The following CUL5 variants were observed in gnomAD, a reference collection of about 807,000 sequenced individuals.
CUL5 encodes cullin-5.
In CUL5, 26 loss-of-function variants were observed where a neutral mutation model predicts 108.8. That is an observed-to-expected ratio of 0.24 (90% confidence interval 0.18 to 0.33). The LOEUF is 0.33. Ranked by LOEUF, CUL5 falls within the 10% of genes least tolerant of loss-of-function variation. The probability of loss-of-function intolerance (pLI) is 1.00; values close to 1 mark genes in which losing one functional copy is unlikely to be tolerated. For missense variants in CUL5, 524 were observed against 909.2 expected, an observed-to-expected ratio of 0.58 and a Z score of 5.45; for synonymous variants, 334 against 298.0, an observed-to-expected ratio of 1.12 and a Z score of -1.25.
intron 1 of CUL5, among the ~76,000 whole-genome samples, chr11:108,017,832 G>T (rs1307576366): frequency 6.6e-6 from 1 of 152,000 alleles, no homozygotes; most frequent in African/African-American, 2.4e-5. Flanking sequence ...GGACGACAGA[G>T]TGAGACCCTG....
At chr11:108,095,391 C>T (rs1441618407) in intron 15 of CUL5, 139 bp from the exon 16 acceptor site, 11 of 611,090 alleles carry the variant, frequency 1.8e-5, no homozygotes, top group African/African-American at 5.6e-5. Flanking sequence ...CAGTCATTAA[C>T]GTCTTCTAAA....
At chr11:108,012,070 G>T (rs1476732403) in intron 1 of CUL5, among the ~76,000 whole-genome samples, 1 of 152,118 alleles carries the variant, frequency 6.6e-6, no homozygotes, top group African/African-American at 2.4e-5. Context: ...ACTGCTTAGG[G>T]GTTTTGTATC....
chr11:108,076,781 A>G (rs1446381623), intron 10 of CUL5, among the ~76,000 whole-genome samples: 1 of 152,188 alleles, frequency 6.6e-6, no homozygotes, highest in African/African-American at 2.4e-5. Context: ...ACTATTCAGG[A>G]TTTGCTATTG....
chr11:108,042,218 C>CTTTTT (rs11440201), intron 2 of CUL5, among the ~76,000 whole-genome samples: 15 of 124,064 alleles, frequency 1.2e-4, no homozygotes, highest in Admixed American at 1.9e-4. Context: ...ATCCACAATT[C>CTTTTT]TTTTTTTTTT....
chr11:108,051,633 T>TTA (rs1863224787), intron 4 of CUL5, among the ~76,000 whole-genome samples: 2 of 152,210 alleles, frequency 1.3e-5, no homozygotes, highest in South Asian at 4.1e-4. Flanking sequence ...TCACCAATGT[T>TTA]TATATACCAT....
chr11:108,024,426 A>AAAT (rs201325114), intron 1 of CUL5, among the ~76,000 whole-genome samples: 118 of 152,128 alleles, frequency 7.8e-4, no homozygotes, highest in African/African-American at 1.7e-3. Flanking sequence ...TTGTCTCAAA[A>AAAT]AATAATAATA....
intron 7 of CUL5, among the ~76,000 whole-genome samples, chr11:108,068,314 T>TTTTTG (rs10691695): frequency 0.024 from 3,656 of 152,020 alleles, 160 homozygotes; most frequent in African/African-American, 0.08. Context: ...AAAACCTTTT[T>TTTTTG]TTTTGTTTTG....
In CUL5 at chr11:108,009,300, G is replaced by C. The variant is rs949254554; in HGVS notation, c.-49G>C. ...CGGCCTCCGGTCAAGGCCTGGCCGG[G>C]AGCGCCACGAATTCTCGCGTCGTCT... On this transcript the variant is annotated 5_prime_UTR_variant, in exon 1 of 19. Coordinates refer to ENST00000393094, the MANE Select transcript of CUL5 (RefSeq NM_003478.6). 6.2e-7 allele frequency: 1 copy of C among 1,610,364 alleles called. No homozygotes were observed. The highest frequency in any genetic ancestry group is 1.1e-5 in the South Asian group (1 of 90,580).
At chr11:108,022,906 TTCTTTA>T (rs1160055418) in intron 1 of CUL5, among the ~76,000 whole-genome samples, 1 of 152,194 alleles carries the variant, frequency 6.6e-6, no homozygotes, top group African/African-American at 2.4e-5. Context: ...GACTTTTTAG[TTCTTTA>T]CATATTCTGG....
chr11:108,023,821 AT>A (rs1320126565), intron 1 of CUL5, among the ~76,000 whole-genome samples: 1 of 152,134 alleles, frequency 6.6e-6, no homozygotes, highest in Admixed American at 6.5e-5. Context: ...TTTGTTTGAA[AT>A]TTTTTTCTTT....
At position 108,073,508 on chromosome 11, in the gene CUL5, C is replaced by CTA. The variant is rs1565258826; in HGVS notation, c.1113+20_1113+21dup. The CTA allele has an allele frequency of 3.3e-6, 4 of 1,220,630 alleles. No homozygotes were observed. Among genetic ancestry groups the CTA allele is most frequent in the Non-Finnish European group, 2.3e-6 (2 of 866,538 alleles). The allele number at this position is 1,220,630 out of a possible 1,614,324, so 75.6% of individuals were successfully genotyped here. A position where few individuals can be genotyped will look rare whatever the true frequency, so the allele number is the denominator to read the frequency against. On this transcript the variant is annotated intron_variant, in intron 10 of 18. Coordinates refer to ENST00000393094, the MANE Select transcript of CUL5 (RefSeq NM_003478.6). Reference sequence around the variant, plus strand: ...ACTGCAAGAGATAAGGTATATATTCCTATATATATAAAAAACACTTTTAAA... The same window carrying CTA: ...ACTGCAAGAGATAAGGTATATATTCCTATATATATATAAAAAACACTTTTAAA...
At chr11:108,075,006 A>C (rs898073060) in intron 10 of CUL5, among the ~76,000 whole-genome samples, 2 of 152,108 alleles carry the variant, frequency 1.3e-5, no homozygotes, top group Non-Finnish European at 2.9e-5. Flanking sequence ...GTCATTTAAA[A>C]ATTTTAAACA....
chr11:108,052,584 T>G, intron 4 of CUL5, 76 bp from the exon 5 acceptor site: 1 of 1,359,460 alleles, frequency 7.4e-7, no homozygotes, highest in Non-Finnish European at 1.0e-6. Flanking sequence ...TTTGATTTCC[T>G]TTTTTGGTGT....
intron 18 of CUL5, among the ~76,000 whole-genome samples, chr11:108,102,015 A>G (rs547003048): frequency 1.4e-4 from 21 of 151,916 alleles, no homozygotes; most frequent in Middle Eastern, 3.4e-3. Context: ...TCTTTTATTT[A>G]TTTTTGTTTA....
intron 1 of CUL5, among the ~76,000 whole-genome samples, chr11:108,023,553 CAAAG>C (rs1450364093): frequency 2.7e-5 from 4 of 150,672 alleles, no homozygotes; most frequent in Non-Finnish European, 5.9e-5. Context: ...AGAAAAAAAA[CAAAG>C]AATATATCCT....
At chr11:108,047,342 C>A (rs1341963291) in intron 3 of CUL5, among the ~76,000 whole-genome samples, 1 of 152,004 alleles carries the variant, frequency 6.6e-6, no homozygotes, top group Non-Finnish European at 1.5e-5. Flanking sequence ...ACAAAAAGGT[C>A]TGGTCTGATG....
At chr11:108,033,438 T>G (rs1211403524) in intron 1 of CUL5, among the ~76,000 whole-genome samples, 1 of 152,054 alleles carries the variant, frequency 6.6e-6, no homozygotes, top group Non-Finnish European at 1.5e-5. Context: ...GTGTGGACAG[T>G]CCCCTCCCTG....
At chr11:108,103,049 C>T (rs1173240850) in intron 18 of CUL5, among the ~76,000 whole-genome samples, 2 of 152,172 alleles carry the variant, frequency 1.3e-5, no homozygotes, top group African/African-American at 4.8e-5. Flanking sequence ...ACCCACATCA[C>T]CCTCCCAAAG....
At chr11:108,014,122 A>G (rs761685122) in intron 1 of CUL5, among the ~76,000 whole-genome samples, 1 of 152,236 alleles carries the variant, frequency 6.6e-6, no homozygotes, top group African/African-American at 2.4e-5. Flanking sequence ...GATTGAGGAA[A>G]TAATTTCTGG....
Sources: gnomAD v4.1 joint callset for allele counts (sites outside exome capture counted in the v4.1 genomes callset) on GRCh38, gnomAD v4.1.1 for gene constraint, MANE v1.5 for transcripts, NCBI Gene and HGNC (gene_info 2026-07-23, HGNC 2026-07-21) for gene names.